MAP3K15: variants seen among roughly 807,000 people sequenced by gnomAD.
The protein encoded by MAP3K15 is mitogen-activated protein kinase kinase kinase 15, also known as MAPK/ERK kinase kinase 15.
A neutral mutation model predicts 99.5 loss-of-function variants in MAP3K15; 124 were observed. The observed-to-expected ratio is 1.25, with a 90% CI of 1.08 to 1.45. The LOEUF is 1.45. MAP3K15 is among the 40% of genes most tolerant of loss of function. The pLI is 0.00. For missense variants in MAP3K15, 1,242 were observed against 1,079.7 expected, an observed-to-expected ratio of 1.15 and a Z score of -2.11; for synonymous variants, 494 against 439.6, an observed-to-expected ratio of 1.12 and a Z score of -1.55.
chrX:19,407,233 G>C lies in MAP3K15; in HGVS notation c.1799C>G (p.Ser600Cys). Residue 600 changes from serine (S) to cysteine (C), a missense_variant, in exon 13 of 29, where the codon TCT becomes TGT. Physicochemically the swap from Ser to Cys is moderately radical, Grantham distance 112. Transcript: ENST00000338883. ...RCCFLYVHDN[S>C]DDFQIYFSTE... ...GGAAAAGTAGATTTGAAAGTCATCAGAATTATCATGGACATAAAGAAAACA... is the reference window on the plus strand; with the variant it reads ...GGAAAAGTAGATTTGAAAGTCATCACAATTATCATGGACATAAAGAAAACA... 1.7e-6 allele frequency: 2 copies of C among 1,198,564 alleles called. No individual in the cohort carries two copies. The highest frequency in any genetic ancestry group is 2.2e-6 in the Non-Finnish European group (2 of 889,125).
chrX:19,394,261 CCAGA>C (rs1438671903), intron 16 of MAP3K15, among the ~76,000 whole-genome samples: 5 of 111,621 alleles, frequency 4.5e-5, no homozygotes, highest in African/African-American at 1.6e-4. Flanking sequence ...TTGTTCTCTG[CCAGA>C]CAGAATCCAC....
intron 6 of MAP3K15, among the ~76,000 whole-genome samples, chrX:19,443,770 C>A (rs748266257): frequency 6.3e-5 from 7 of 111,115 alleles, no homozygotes; most frequent in Non-Finnish European, 1.3e-4. Context: ...GAGGGACGGG[C>A]CAGGCCACAT....
rs760694906 is a variant in MAP3K15, at chrX:19,468,579, C to T, written c.526-4173G>A. ...GGATACAAGAGTCAGAATAACTGTG[C>T]GCATGCCCAAGAGTGTGCCCTTTAA... On this transcript the variant is annotated intron_variant, in intron 3 of 28. Transcript: ENST00000338883. Among the ~76,000 whole-genome samples the T allele has an allele frequency of 1.2e-4, 13 of 111,881 alleles. No homozygotes were observed. The South Asian group carries it at 2.3e-3, about 19-fold the overall frequency.
In MAP3K15 at chrX:19,409,948, G is replaced by A. The variant is rs778684878; in HGVS notation, c.1724C>T (p.Thr575Ile). The change falls in exon 12 of 29, where the codon ACA becomes ATA. Residue 575 changes from threonine to isoleucine, a missense_variant. Physicochemically the swap from Thr to Ile is moderately conservative, Grantham distance 89. Transcript: ENST00000338883. Reference protein sequence around the residue: ...EMKQMHEWNFTASSIKGISLS... With the variant: ...EMKQMHEWNFIASSIKGISLS... ...CCTTATTCCCTTTATGGAAGAGGCT[G>A]TAAAATTCCATTCGTGCATCTGTTT... is the stretch of plus-strand genomic sequence containing the variant. 2 of 1,204,425 alleles carry A rather than the reference G, an allele frequency of 1.7e-6. No homozygotes were observed. The highest frequency in any genetic ancestry group is 3.0e-5 in the East Asian group (1 of 33,666).
intron 18 of MAP3K15, among the ~76,000 whole-genome samples, chrX:19,383,271 T>C (rs113067817): frequency 0.056 from 6,224 of 112,042 alleles, 399 homozygotes; most frequent in African/African-American, 0.19. Context: ...ATTCTCTCCA[T>C]GGAAATAACT....
chrX:19,413,375 A>T lies in MAP3K15; in HGVS notation c.1680T>A (p.His560Gln). The T allele has an allele frequency of 8.3e-7, 1 of 1,202,092 alleles. No individual in the cohort carries two copies. The change falls in exon 11 of 29, where the codon CAT becomes CAA. Residue 560 changes from histidine to glutamine, a missense_variant. By Grantham distance (24) the His-to-Gln change is conservative (BLOSUM62 0). Transcript: ENST00000338883. Reference protein sequence around the residue: ...EAEERTVSLWHVSPTEMKQMH... With the variant: ...EAEERTVSLWQVSPTEMKQMH... ...TCCTTACCATTTCTGTGGGTGAGAC[A>T]TGCCATAAAGAAACTGTTCTCTCCT...
chrX:19,367,723 ATTTTTTTTTTTTTTTTTTTTTTTTTT>A lies in MAP3K15; in HGVS notation c.3566+1305_3566+1330del, dbSNP rs748998915. On this transcript the variant is annotated intron_variant, in intron 25 of 28. Transcript: ENST00000338883. ...ACCAACTCATTTGCTATAACTATGG[ATTTTTTTTTTTTTTTTTTTTTTTTTT>A]TTTTTTTTTTTTTTTTTGAGACAGA... Among the ~76,000 whole-genome samples, 16 of 24,141 alleles carry A rather than the reference ATTTTTTTTTTTTTTTTTTTTTTTTTT, an allele frequency of 6.6e-4. No homozygotes were observed. In the East Asian group the frequency reaches 6.8e-3, roughly 10 times the overall value. 21.0% of individuals were successfully genotyped at this position (24,141 alleles called of 115,157 possible).
intron 15 of MAP3K15, 119 bp downstream of exon 15, chrX:19,398,107 G>T: frequency 5.5e-5 from 36 of 660,186 alleles, no homozygotes; most frequent in Non-Finnish European, 7.6e-5. Flanking sequence ...ACAAGAGAAT[G>T]ACAGGTTTTG....
At chrX:19,369,385 T>G (rs141483075) in intron 24 of MAP3K15, among the ~76,000 whole-genome samples, 166 bp from the exon 25 acceptor site, 4,833 of 111,612 alleles carry the variant, frequency 0.043, 259 homozygotes, top group African/African-American at 0.14. Context: ...ACTGTTCCAT[T>G]TGGTTCTCTG....
At chrX:19,401,460 G>A (rs1484791331) in intron 13 of MAP3K15, among the ~76,000 whole-genome samples, 1 of 111,650 alleles carries the variant, frequency 9.0e-6, no homozygotes, top group Non-Finnish European at 1.9e-5. Flanking sequence ...GCCTCCGAAA[G>A]TGTTGGGAGG....
chrX:19,507,614 C>G (rs865808590), intron 1 of MAP3K15, among the ~76,000 whole-genome samples: 1 of 43,921 alleles, frequency 2.3e-5, no homozygotes, highest in African/African-American at 8.6e-5. Context: ...AAAAAAAGAA[C>G]AACTAATATA....
chrX:19,490,330 C>T (rs939927039), intron 1 of MAP3K15, among the ~76,000 whole-genome samples: 3 of 111,478 alleles, frequency 2.7e-5, no homozygotes, highest in African/African-American at 3.3e-5. Context: ...CCAGTTCATA[C>T]GTTTTCGCTT....
intron 6 of MAP3K15, among the ~76,000 whole-genome samples, chrX:19,445,569 G>A (rs866914670): frequency 2.2e-5 from 2 of 92,253 alleles, no homozygotes; most frequent in African/African-American, 4.4e-5. Flanking sequence ...CAACCTGGGC[G>A]ACAGAGTGAG....
intron 6 of MAP3K15, among the ~76,000 whole-genome samples, chrX:19,443,142 C>T (rs2063972092): frequency 1.0e-5 from 1 of 99,073 alleles, no homozygotes; most frequent in South Asian, 5.3e-4. Flanking sequence ...AAGTGATTCT[C>T]ATGCCTCAGC....
At chrX:19,378,487 G>A (rs1353724454) in intron 19 of MAP3K15, among the ~76,000 whole-genome samples, 1 of 112,160 alleles carries the variant, frequency 8.9e-6, no homozygotes, top group Non-Finnish European at 1.9e-5. Context: ...GAGAGAGAAT[G>A]AGAACCAGCA....
intron 3 of MAP3K15, among the ~76,000 whole-genome samples, chrX:19,476,554 C>T (rs2064244474): frequency 8.9e-6 from 1 of 112,028 alleles, no homozygotes; most frequent in Non-Finnish European, 1.9e-5. Context: ...GTCTAGCCAG[C>T]TAGATACATA....
At chrX:19,384,748 GGAA>G (rs1336914566) in intron 18 of MAP3K15, among the ~76,000 whole-genome samples, 7 of 56,469 alleles carry the variant, frequency 1.2e-4, no homozygotes, top group African/African-American at 4.9e-4. Context: ...TTGTCTCAGG[GGAA>G]AAAAAAAAAA....
At chrX:19,447,194 C>G (rs1406312032) in intron 6 of MAP3K15, among the ~76,000 whole-genome samples, 1 of 111,495 alleles carries the variant, frequency 9.0e-6, no homozygotes, top group African/African-American at 3.3e-5. Context: ...GTGCTTGGCC[C>G]TTTTTATTTC....
intron 6 of MAP3K15, among the ~76,000 whole-genome samples, chrX:19,445,531 A>T (rs1230657129): frequency 2.9e-5 from 3 of 103,882 alleles, no homozygotes; most frequent in African/African-American, 7.1e-5. Flanking sequence ...CAGAGGTTGC[A>T]GTGAGCTGAG....
Sources: gnomAD v4.1 joint callset for allele counts (sites outside exome capture counted in the v4.1 genomes callset) on GRCh38, gnomAD v4.1.1 for gene constraint, MANE v1.5 for transcripts, NCBI Gene and HGNC (gene_info 2026-07-23, HGNC 2026-07-21) for gene names.